TXNRD3: variants seen among roughly 807,000 people sequenced by gnomAD.
TXNRD3 encodes TXNRD3 neighbor gene protein.
TXNRD3 carries 68 observed loss-of-function variants against 78.2 expected under a neutral mutation model. The ratio of observed to expected loss-of-function variants is 0.87; its 90% CI spans 0.72 to 1.06. The LOEUF is 1.06. Among genes scored for constraint, TXNRD3 ranks in the 50% least tolerant of loss-of-function variants. The probability of loss-of-function intolerance (pLI) is 0.00; values close to 1 mark genes in which losing one functional copy is unlikely to be tolerated. For synonymous variants in TXNRD3, 296 were observed against 300.1 expected, an observed-to-expected ratio of 0.99 and a Z score of 0.14; for missense variants, 751 against 809.5, an observed-to-expected ratio of 0.93 and a Z score of 0.88.
In TXNRD3 at chr3:126,654,192, G is replaced by C. The variant is rs140430354; in HGVS notation, c.243+556C>G. Reference sequence around the variant, plus strand: ...ATCAATGTAAACTTCAAATATATTTGAAAAACACAGCCTATAATTTCATGA... The same window carrying C: ...ATCAATGTAAACTTCAAATATATTTCAAAAACACAGCCTATAATTTCATGA... On this transcript the variant is annotated intron_variant, in intron 1 of 15. Transcript: ENST00000524230. 8.5e-5 allele frequency among the ~76,000 whole-genome samples: 13 copies of C among 152,162 alleles called. No individual in the cohort carries two copies. In the East Asian group the frequency reaches 2.5e-3, roughly 29 times the overall value.
chr3:126,608,280 G>A lies in TXNRD3; in HGVS notation c.1863+219C>T, dbSNP rs1176215004. On this transcript the variant is annotated intron_variant, in intron 15 of 15. Coordinates refer to ENST00000524230, the MANE Select transcript of TXNRD3 (RefSeq NM_052883.3). ...GGAGGCTGAGGCGGGAGAATCACTT[G>A]CACCTGGGAGGTGGAGGTTGCAGTG... 2.0e-5 allele frequency among the ~76,000 whole-genome samples: 3 copies of A among 152,264 alleles called. No homozygotes were observed. In the East Asian group the frequency reaches 5.8e-4, roughly 29 times the overall value.
At chr3:126,633,817 C>A in intron 7 of TXNRD3, 92 bp downstream of exon 7, 2 of 1,057,946 alleles carry the variant, frequency 1.9e-6, no homozygotes, top group Non-Finnish European at 2.6e-6. Context: ...GCCTGTTACA[C>A]CCCTTAACAT....
rs1417713280 is a variant in TXNRD3, at chr3:126,640,280, A to AT, written c.712+1751dup. 3.9e-4 allele frequency among the ~76,000 whole-genome samples: 16 copies of AT among 40,734 alleles called. 3 individuals carry two copies. Among genetic ancestry groups the AT allele is most frequent in the African/African-American group, 8.8e-4 (16 of 18,284 alleles). 26.7% of individuals were successfully genotyped at this position (40,734 alleles called of 152,430 possible). Reference sequence around the variant, plus strand: ...CCACTACGCCCGGCTAATTTTTTGTATTTTTTTTAGTAGAGACGGGGTTTC... The same window carrying AT: ...CCACTACGCCCGGCTAATTTTTTGTATTTTTTTTTAGTAGAGACGGGGTTTC... On this transcript the variant is annotated intron_variant, in intron 6 of 15. Coordinates refer to ENST00000524230, the MANE Select transcript of TXNRD3 (RefSeq NM_052883.3).
intron 5 of TXNRD3, among the ~76,000 whole-genome samples, 169 bp from the exon 6 acceptor site, chr3:126,642,320 A>G (rs1401143601): frequency 6.6e-6 from 1 of 152,238 alleles, no homozygotes; most frequent in East Asian, 1.9e-4. Context: ...CTACGGGTTC[A>G]CAGAAGAGAC....
chr3:126,637,967 A>C (rs1932950136), intron 6 of TXNRD3, among the ~76,000 whole-genome samples: 1 of 65,862 alleles, frequency 1.5e-5, no homozygotes, highest in Non-Finnish European at 2.6e-5. Flanking sequence ...TTTTTTTGAG[A>C]TGGAGTCTCA....
intron 10 of TXNRD3, 100 bp downstream of exon 10, chr3:126,629,279 G>C: frequency 2.2e-6 from 2 of 897,444 alleles, no homozygotes; most frequent in Non-Finnish European, 3.3e-6. Flanking sequence ...AATAAAAAAA[G>C]TAAAAAAATG....
At chr3:126,617,480 C>T (rs1938343079) in intron 12 of TXNRD3, among the ~76,000 whole-genome samples, 1 of 152,218 alleles carries the variant, frequency 6.6e-6, no homozygotes. Flanking sequence ...GGTCTCCATG[C>T]AAGGCCTTGG....
intron 10 of TXNRD3, 102 bp from the exon 11 acceptor site, chr3:126,622,642 T>C (rs1476143950): frequency 2.4e-6 from 2 of 830,818 alleles, no homozygotes; most frequent in Non-Finnish European, 3.6e-6. Context: ...AATAATGGAA[T>C]ATTACAAACA....
chr3:126,614,195 A>C (rs1938262861), intron 13 of TXNRD3, among the ~76,000 whole-genome samples: 1 of 152,214 alleles, frequency 6.6e-6, no homozygotes, highest in Non-Finnish European at 1.5e-5. Context: ...CTATAATAGG[A>C]ACTTTAAAAA....
intron 10 of TXNRD3, among the ~76,000 whole-genome samples, chr3:126,623,236 C>T (rs941293253): frequency 3.9e-5 from 6 of 152,076 alleles, no homozygotes; most frequent in Non-Finnish European, 5.9e-5. Context: ...AATTCCAGAC[C>T]CAGACAGCTT....
chr3:126,609,629 G>A (rs1417571843), intron 14 of TXNRD3, among the ~76,000 whole-genome samples: 2 of 152,214 alleles, frequency 1.3e-5, no homozygotes, highest in African/African-American at 4.8e-5. Context: ...CATGTGGCCA[G>A]GGTAAAGGGA....
At chr3:126,625,750 A>G (rs1938566275) in intron 10 of TXNRD3, 2 of 152,336 alleles carry the variant, frequency 1.3e-5, no homozygotes, top group South Asian at 4.1e-4. Context: ...ACAATGGTTG[A>G]ACTAGTTACA....
At chr3:126,639,449 C>T (rs1186110204) in intron 6 of TXNRD3, among the ~76,000 whole-genome samples, 5 of 152,162 alleles carry the variant, frequency 3.3e-5, no homozygotes, top group Non-Finnish European at 7.3e-5. Flanking sequence ...CCTCTCACAC[C>T]CAGCTCTCGC....
intron 13 of TXNRD3, among the ~76,000 whole-genome samples, chr3:126,614,914 T>C (rs4679273): frequency 0.59 from 89,888 of 151,938 alleles, 27,109 homozygotes; most frequent in Non-Finnish European, 0.66. Context: ...AAGGTTATAA[T>C]TGGACAGGGT....
intron 1 of TXNRD3, among the ~76,000 whole-genome samples, chr3:126,650,761 C>T (rs970194215): frequency 6.6e-6 from 1 of 152,144 alleles, no homozygotes; most frequent in Non-Finnish European, 1.5e-5. Context: ...TTCCTTTTAT[C>T]GTTATCTATC....
chr3:126,635,527 A>G (rs9863988), intron 6 of TXNRD3, among the ~76,000 whole-genome samples: 2,164 of 152,244 alleles, frequency 0.014, 39 homozygotes, highest in Non-Finnish European at 0.016. Flanking sequence ...CACCCTCTAT[A>G]CTTTCTCAAA....
intron 4 of TXNRD3, 72 bp downstream of exon 4, chr3:126,644,225 T>G (rs922196628): frequency 9.2e-6 from 13 of 1,413,970 alleles, no homozygotes; most frequent in Middle Eastern, 1.7e-4. Flanking sequence ...TTGTTTTTTT[T>G]TAAGTAGCAG....
At chr3:126,623,690 C>T (rs1382532778) in intron 10 of TXNRD3, among the ~76,000 whole-genome samples, 4 of 151,942 alleles carry the variant, frequency 2.6e-5, no homozygotes, top group Non-Finnish European at 4.4e-5. Context: ...AGACAATTTT[C>T]GTCACCAGAT....
At chr3:126,646,284 C>CT (rs11453652) in intron 2 of TXNRD3, 64 bp from the exon 3 acceptor site, 1,243,294 of 1,329,464 alleles carry the variant, frequency 0.94, 584,794 homozygotes, top group Non-Finnish European at 0.96. Context: ...GTGAGTTAAA[C>CT]AAAGTGTTAC....
Sources: gnomAD v4.1 joint callset for allele counts (sites outside exome capture counted in the v4.1 genomes callset) on GRCh38, gnomAD v4.1.1 for gene constraint, MANE v1.5 for transcripts, NCBI Gene and HGNC (gene_info 2026-07-23, HGNC 2026-07-21) for gene names.